Variants in UGT1A3 observed in about 807,000 individuals in gnomAD.
UGT1A3 encodes UDP glucuronosyltransferase family 1 member A3, also known as UDP-glucuronosyltransferase 1A3.
Under a neutral mutation model 41.0 loss-of-function variants are expected in UGT1A3, and 31 were observed. The observed-to-expected ratio is 0.76, with a 90% CI of 0.57 to 1.02. The LOEUF is 1.02. Among genes scored for constraint, UGT1A3 ranks in the 50% least tolerant of loss-of-function variants. UGT1A3 has a pLI of 0.00. For synonymous variants in UGT1A3, 262 were observed against 257.6 expected (o/e 1.02, Z -0.17); for missense variants, 737 against 671.0 (o/e 1.10, Z -1.09).
chr2:233,772,497 T>A lies in UGT1A3; in HGVS notation c.1543T>A (p.Tyr515Asn). The change falls in exon 5 of 5, where the codon TAC becomes AAC. Residue 515 changes from tyrosine to asparagine, a missense_variant. By Grantham distance (143) the Tyr-to-Asn change is moderately radical (BLOSUM62 -2). Coordinates refer to ENST00000482026, the MANE Select transcript of UGT1A3 (RefSeq NM_019093.4). ...CACCTTTAAATGTTGTGCTTATGGC[T>A]ACCGGAAATGCTTGGGGAAAAAAGG... ...FITFKCCAYGYRKCLGKKGRV... is the reference protein window; with the variant it reads ...FITFKCCAYGNRKCLGKKGRV... The A allele has an allele frequency of 6.2e-7, 1 of 1,614,126 alleles. No homozygotes were observed. The highest frequency in any genetic ancestry group is 8.5e-7 in the Non-Finnish European group (1 of 1,180,040).
At chr2:233,739,701 C>T (rs1691179218) in intron 1 of UGT1A3, among the ~76,000 whole-genome samples, 1 of 152,172 alleles carries the variant, frequency 6.6e-6, no homozygotes, top group Non-Finnish European at 1.5e-5. Flanking sequence ...ATTTTACAGG[C>T]TCATGGGGGA....
chr2:233,772,356 A>C lies in UGT1A3; in HGVS notation c.1402A>C (p.Arg468=), dbSNP rs1468738748. 6.2e-7 allele frequency: 1 copy of C among 1,614,222 alleles called. No homozygotes were observed. Among genetic ancestry groups the C allele is most frequent in the Non-Finnish European group, 8.5e-7 (1 of 1,180,034 alleles). The change falls in exon 5 of 5, where the codon AGG becomes CGG. Residue 468 remains arginine, a synonymous_variant. Transcript: ENST00000482026. ...LAVFWVEFVM[R]HKGAPHLRPA... is the part of the protein sequence containing the mutation. ...CGTGTTCTGGGTGGAGTTTGTGATGAGGCACAAGGGCGCGCCACACCTGCG... is the reference window on the plus strand; with the variant it reads ...CGTGTTCTGGGTGGAGTTTGTGATGCGGCACAAGGGCGCGCCACACCTGCG...
intron 1 of UGT1A3, chr2:233,743,844 TGCGGTACGC>T: frequency 7.3e-7 from 1 of 1,367,272 alleles, no homozygotes; most frequent in Non-Finnish European, 9.8e-7. Context: ...AGCGCCAGCT[TGCGGTACGC>T]CTTCTTGATG....
In UGT1A3 at chr2:233,748,102, A is replaced by G. The variant is rs1693867397; in HGVS notation, c.867+18109A>G. On this transcript the variant is annotated intron_variant, in intron 1 of 4. Coordinates refer to ENST00000482026, the MANE Select transcript of UGT1A3 (RefSeq NM_019093.4). Reference sequence around the variant, plus strand: ...CAGGTCGGTGTTCGTGCCTTCATCCAATCAATGTTCCAGGCAAAACAGTTT... The same window carrying G: ...CAGGTCGGTGTTCGTGCCTTCATCCGATCAATGTTCCAGGCAAAACAGTTT... The G allele has an allele frequency of 3.7e-6, 6 of 1,612,660 alleles. No homozygotes were observed. The Admixed American group carries it at 5.0e-5, about 13-fold the overall frequency.
rs200710764 is a variant in UGT1A3, at chr2:233,747,984, C to T, written c.867+17991C>T. ...CAGCCATGCATCTGTGTGGCTGTTC[C>T]GAGGGGACTTTGTGATGGATTACCC... On this transcript the variant is annotated intron_variant, in intron 1 of 4. Transcript: ENST00000482026. 917 of 1,613,424 alleles carry T rather than the reference C, an allele frequency of 5.7e-4. 5 individuals carry two copies. The highest frequency in any genetic ancestry group is 6.2e-4 in the Non-Finnish European group (735 of 1,179,898).
chr2:233,733,760 A>C (rs2078435116), intron 1 of UGT1A3, among the ~76,000 whole-genome samples: 1 of 152,132 alleles, frequency 6.6e-6, no homozygotes, highest in Non-Finnish European at 1.5e-5. Flanking sequence ...ATTTGTCTAA[A>C]ATTTTCTTTT....
chr2:233,737,936 A>G (rs912128099), intron 1 of UGT1A3, among the ~76,000 whole-genome samples: 7 of 152,174 alleles, frequency 4.6e-5, no homozygotes, highest in Non-Finnish European at 8.8e-5. Flanking sequence ...TAGTGAGTCC[A>G]TTGACTGTTT....
At position 233,750,642 on chromosome 2, in the gene UGT1A3, C is replaced by G. The variant is rs1227116452; in HGVS notation, c.868-16392C>G. 2.7e-5 allele frequency: 4 copies of G among 149,396 alleles called. 1 individual carries two copies. The highest frequency in any genetic ancestry group is 1.0e-4 in the African/African-American group (4 of 38,716). 9.3% of individuals were successfully genotyped at this position (149,396 alleles called of 1,614,324 possible). On this transcript the variant is annotated intron_variant, in intron 1 of 4. Transcript: ENST00000482026. ...GGGTCCATGCTCCCCCTGCTGTGTGCAGCCTCAGGACTTGGTGCCCTGTGT... is the reference window on the plus strand; with the variant it reads ...GGGTCCATGCTCCCCCTGCTGTGTGGAGCCTCAGGACTTGGTGCCCTGTGT...
chr2:233,763,634 G>A (rs185655809), intron 1 of UGT1A3, among the ~76,000 whole-genome samples: 42 of 152,196 alleles, frequency 2.8e-4, no homozygotes, highest in Admixed American at 6.5e-4. Flanking sequence ...TGTGTTGATG[G>A]TCCTATTCTC....
chr2:233,768,371 C>T lies in UGT1A3; in HGVS notation c.1239C>T (p.Thr413=). The T allele has an allele frequency of 6.2e-7, 1 of 1,614,074 alleles. No homozygotes were observed. Among genetic ancestry groups the T allele is most frequent in the South Asian group, 1.1e-5 (1 of 91,082 alleles). ...TGGAGACTAAGGGAGCTGGAGTGAC[C>T]CTGAATGTTCTGGAAATGACTTCTG... is the stretch of plus-strand genomic sequence containing the variant. The part of the protein sequence containing the change: ...KRMETKGAGV[T]LNVLEMTSED... Residue 413 remains threonine, a synonymous_variant, in exon 4 of 5, where the codon ACC becomes ACT. Coordinates refer to ENST00000482026, the MANE Select transcript of UGT1A3 (RefSeq NM_019093.4).
chr2:233,760,050 C>T (rs995974685), intron 1 of UGT1A3, among the ~76,000 whole-genome samples: 2 of 152,142 alleles, frequency 1.3e-5, no homozygotes, highest in Admixed American at 6.5e-5. Context: ...TGTGTTCACT[C>T]AAGAATGTGA....
At chr2:233,731,204 C>G (rs755932690) in intron 1 of UGT1A3, among the ~76,000 whole-genome samples, 2 of 151,184 alleles carry the variant, frequency 1.3e-5, no homozygotes, top group Non-Finnish European at 2.9e-5. Context: ...TTATAAAATA[C>G]GTGTTTATTT....
intron 2 of UGT1A3, 69 bp from the exon 3 acceptor site, chr2:233,767,780 G>A (rs1699481282): frequency 1.9e-6 from 3 of 1,613,138 alleles, no homozygotes; most frequent in Non-Finnish European, 2.5e-6. Flanking sequence ...TTTCTAGTTA[G>A]TATAGCAGAT....
Position 233,767,908 on chromosome 2 carries a change from T to G in UGT1A3, c.1059T>G (p.Val353=). 6.2e-7 allele frequency: 1 copy of G among 1,614,222 alleles called. No homozygotes were observed. The highest frequency in any genetic ancestry group is 8.5e-7 in the Non-Finnish European group (1 of 1,180,050). ...PSNLANNTIL[V]KWLPQNDLLG... is the part of the protein sequence containing the mutation. ...ATCTTGCGAACAACACGATACTTGTTAAGTGGCTACCCCAAAACGATCTGC... is the reference window on the plus strand; with the variant it reads ...ATCTTGCGAACAACACGATACTTGTGAAGTGGCTACCCCAAAACGATCTGC... The change falls in exon 3 of 5, where the codon GTT becomes GTG. Residue 353 remains valine (V), a synonymous_variant. Transcript: ENST00000482026.
chr2:233,729,139 C>G lies in UGT1A3; in HGVS notation c.13C>G (p.Leu5Val), dbSNP rs527426104. 1 of 1,613,374 alleles carries G rather than the reference C, an allele frequency of 6.2e-7. No individual in the cohort carries two copies. The highest frequency in any genetic ancestry group is 1.7e-5 in the Admixed American group (1 of 60,030). The part of the protein sequence containing the change: MATG[L>V]QVPLPWLATG... ...GTCTTCTGCTGAGATGGCCACAGGA[C>G]TCCAGGTTCCCCTGCCGTGGCTGGC... Residue 5 changes from leucine (L) to valine (V), a missense_variant, in exon 1 of 5, where the codon CTC becomes GTC. Physicochemically the swap from Leu to Val is conservative, Grantham distance 32. Transcript: ENST00000482026.
chr2:233,749,416 T>G (rs1694186669), intron 1 of UGT1A3, among the ~76,000 whole-genome samples: 1 of 151,944 alleles, frequency 6.6e-6, no homozygotes, highest in Non-Finnish European at 1.5e-5. Context: ...GTTAACTACA[T>G]TGCTCAAAAC....
At chr2:233,772,139 G>C in intron 4 of UGT1A3, 123 bp from the exon 5 acceptor site, 1 of 1,548,574 alleles carries the variant, frequency 6.5e-7, no homozygotes, top group Non-Finnish European at 8.7e-7. Context: ...AACAATAATA[G>C]AAACAGGTTT....
intron 1 of UGT1A3, among the ~76,000 whole-genome samples, chr2:233,749,630 C>T (rs1185419016): frequency 6.6e-6 from 1 of 151,806 alleles, no homozygotes. Context: ...CTCTGTATCC[C>T]CCACCAAATC....
At chr2:233,737,845 C>A (rs993893058) in intron 1 of UGT1A3, among the ~76,000 whole-genome samples, 6 of 152,132 alleles carry the variant, frequency 3.9e-5, no homozygotes, top group Admixed American at 6.5e-5. Context: ...TGGCACAGGT[C>A]ACTCTTGCTA....
Sources: allele counts gnomAD v4.1 joint callset (sites outside exome capture counted in the v4.1 genomes callset), GRCh38; gene constraint gnomAD v4.1.1; transcripts MANE v1.5; gene names NCBI Gene and HGNC (gene_info 2026-07-23, HGNC 2026-07-21).